The following PLCB3 variants were observed in gnomAD, a reference collection of about 807,000 sequenced individuals.
The protein encoded by PLCB3 is phospholipase C beta 3, also known as 1-phosphatidylinositol 4,5-bisphosphate phosphodiesterase beta-3.
In PLCB3, 54 loss-of-function variants were observed where a neutral mutation model predicts 152.1. That is an observed-to-expected ratio of 0.36 (90% CI 0.29 to 0.45). The LOEUF (loss-of-function observed/expected upper bound fraction) is 0.45, where lower values mean the gene tolerates loss of function less well. PLCB3 is among the 20% of genes least tolerant of loss of function. PLCB3 has a pLI of 1.00. For missense variants in PLCB3, 1,248 were observed against 1,687.5 expected, an observed-to-expected ratio of 0.74 and a Z score of 4.56; for synonymous variants, 717 against 698.7, an observed-to-expected ratio of 1.03 and a Z score of -0.41.
In PLCB3 at chr11:64,265,179, C is replaced by T. The variant is rs772234599; in HGVS notation, c.2807-13C>T. On this transcript the variant is annotated splice_polypyrimidine_tract_variant and intron_variant, in intron 23 of 30. Coordinates refer to ENST00000279230, the MANE Select transcript of PLCB3 (RefSeq NM_000932.5). ...CCTGTCCTCCAGCTCCTCACAGGGCCTCTGCTCCCCAGGGCAGCGTGATGA... is the reference window on the plus strand; with the variant it reads ...CCTGTCCTCCAGCTCCTCACAGGGCTTCTGCTCCCCAGGGCAGCGTGATGA... The T allele has an allele frequency of 6.3e-7, 1 of 1,590,042 alleles. No individual in the cohort carries two copies. The highest frequency in any genetic ancestry group is 1.1e-5 in the South Asian group (1 of 88,002).
chr11:64,259,153 A>C lies in PLCB3; in HGVS notation c.1434A>C (p.Pro478=). Residue 478 remains proline (P), a synonymous_variant, in exon 13 of 31, where the codon CCA becomes CCC. Transcript: ENST00000279230. ...GGCACCGACCCAGCGCAGGTGGCCCAGACAGCGCCGGGCGCAAGCGGCCCC... is the reference window on the plus strand; with the variant it reads ...GGCACCGACCCAGCGCAGGTGGCCCCGACAGCGCCGGGCGCAAGCGGCCCC... ...KKRHRPSAGG[P]DSAGRKRPLE... 1.9e-6 allele frequency: 3 copies of C among 1,609,158 alleles called. No homozygotes were observed. The highest frequency in any genetic ancestry group is 2.5e-6 in the Non-Finnish European group (3 of 1,178,220).
At position 64,263,770 on chromosome 11, in the gene PLCB3, GGACTACATTCCTGAC is replaced by G. The variant is rs1293230920; in HGVS notation, c.2539_2553del (p.Tyr847_Asp851del). On this transcript the variant is annotated inframe_deletion, in exon 21 of 31. Transcript: ENST00000279230. ...CCCTGCTCATCTACACCGAAGCCTC[GGACTACATTCCTGAC>G]GACCACCAGGGTGAGCTGGGGGTGG... 1 of 1,613,090 alleles carries G rather than the reference GGACTACATTCCTGAC, an allele frequency of 6.2e-7. No homozygotes were observed. Among genetic ancestry groups the G allele is most frequent in the Non-Finnish European group, 8.5e-7 (1 of 1,179,860 alleles).
chr11:64,253,750 G>A (rs1361763190), intron 1 of PLCB3, among the ~76,000 whole-genome samples: 1 of 152,196 alleles, frequency 6.6e-6, no homozygotes, highest in Non-Finnish European at 1.5e-5. Flanking sequence ...CCAGCTGCAC[G>A]GCTGTTTGAG....
chr11:64,262,969 T>A (rs1401010896), intron 19 of PLCB3, among the ~76,000 whole-genome samples, 161 bp downstream of exon 19: 1 of 151,936 alleles, frequency 6.6e-6, no homozygotes, highest in African/African-American at 2.4e-5. Context: ...CGAGCGTCAG[T>A]CTCCCTGCCC....
chr11:64,251,783 G>C, intron 1 of PLCB3, 35 bp downstream of exon 1: 2 of 1,243,632 alleles, frequency 1.6e-6, no homozygotes, highest in Non-Finnish European at 2.1e-6. Flanking sequence ...CCCAAATCCC[G>C]GGACTCTTTC....
intron 10 of PLCB3, among the ~76,000 whole-genome samples, chr11:64,257,131 A>G (rs754154575): frequency 1.3e-5 from 2 of 150,884 alleles, no homozygotes; most frequent in Non-Finnish European, 3.0e-5. Context: ...CAGCCTCCCA[A>G]GTAGCTGGGA....
Position 64,266,345 on chromosome 11 carries a change from C to T in PLCB3, c.3297C>T (p.Asp1099=), listed in dbSNP as rs142705703. The change falls in exon 28 of 31, where the codon GAC becomes GAT. Residue 1099 remains aspartate (D), a synonymous_variant. Coordinates refer to ENST00000279230, the MANE Select transcript of PLCB3 (RefSeq NM_000932.5). The surrounding 1 kb of genome is among the most constrained non-coding windows in gnomAD (Gnocchi z 4.9). ...REKKELQKIL[D]RKRHNSISEA... is the part of the protein sequence containing the mutation. ...AGAAGGAGCTGCAGAAGATCCTGGA[C>T]AGAAAGCGCCATAACAGCATCTCGG... 3.8e-5 allele frequency: 61 copies of T among 1,613,220 alleles called. No individual in the cohort carries two copies. In the African/African-American group the frequency reaches 6.0e-4, roughly 16 times the overall value.
In PLCB3 at chr11:64,262,519, G is replaced by A; in HGVS notation, c.2151G>A (p.Glu717=). 1 of 1,613,980 alleles carries A rather than the reference G, an allele frequency of 6.2e-7. No homozygotes were observed. Among genetic ancestry groups the A allele is most frequent in the Non-Finnish European group, 8.5e-7 (1 of 1,180,012 alleles). Residue 717 remains glutamate (E), a synonymous_variant, in exon 18 of 31, where the codon GAG becomes GAA. Coordinates refer to ENST00000279230, the MANE Select transcript of PLCB3 (RefSeq NM_000932.5). ...ACAAGTCCTTCGACCCCTTCACTGA[G>A]GTCATCGTGGATGGCATCGTGGCCA... ...RPDKSFDPFT[E]VIVDGIVANA...
chr11:64,268,101 C>G (rs2032223702), downstream of PLCB3, among the ~76,000 whole-genome samples: 1 of 152,148 alleles, frequency 6.6e-6, no homozygotes, highest in East Asian at 1.9e-4. Flanking sequence ...TGCTTGTGCC[C>G]TCTGCCCCCA....
chr11:64,263,162 C>T (rs1321273334), intron 19 of PLCB3, among the ~76,000 whole-genome samples: 1 of 152,228 alleles, frequency 6.6e-6, no homozygotes, highest in Non-Finnish European at 1.5e-5. Context: ...TGGACGCGGC[C>T]TCTGCTCCCA....
intron 1 of PLCB3, 42 bp downstream of exon 1, chr11:64,251,790 T>G (rs1032246447): frequency 5.9e-6 from 7 of 1,181,982 alleles, no homozygotes; most frequent in Non-Finnish European, 5.6e-6. Context: ...CCCGGGACTC[T>G]TTCAGTCAAG....
chr11:64,261,894 G>C, intron 16 of PLCB3, 58 bp from the exon 17 acceptor site: 1 of 1,607,838 alleles, frequency 6.2e-7, no homozygotes, highest in Admixed American at 1.7e-5. Flanking sequence ...TGAGGCCGGA[G>C]GTGGAGGCTG....
chr11:64,251,763 C>G lies in PLCB3; in HGVS notation c.99+15C>G, dbSNP rs2031213317. The G allele has an allele frequency of 3.7e-6, 5 of 1,359,764 alleles. No homozygotes were observed. In the South Asian group the frequency reaches 7.7e-5, roughly 21 times the overall value. The allele number at this position is 1,359,764 out of a possible 1,614,324, so 84.2% of individuals were successfully genotyped here. A position where few individuals can be genotyped will look rare whatever the true frequency, so the allele number is the denominator to read the frequency against. ...AATGGGACGAGGTAAGCGCGCGGGCCCCTGCTCCGCCCAAATCCCGGGACT... is the reference window on the plus strand; with the variant it reads ...AATGGGACGAGGTAAGCGCGCGGGCGCCTGCTCCGCCCAAATCCCGGGACT... On this transcript the variant is annotated intron_variant, in intron 1 of 30. Coordinates refer to ENST00000279230, the MANE Select transcript of PLCB3 (RefSeq NM_000932.5).
Position 64,251,820 on chromosome 11 carries a change from C to T in PLCB3, c.99+72C>T, listed in dbSNP as rs192467905. On this transcript the variant is annotated intron_variant, in intron 1 of 30. Transcript: ENST00000279230. ...GTCAAGCTCGACCAGACGCTGGGGA[C>T]CCCCACCCCAGCCTCGCCTGCCCGT... is the stretch of plus-strand genomic sequence containing the variant. 8.9e-6 allele frequency: 8 copies of T among 901,294 alleles called. No homozygotes were observed. In the East Asian group the frequency reaches 2.0e-4, roughly 23 times the overall value. 55.8% of individuals were successfully genotyped at this position (901,294 alleles called of 1,614,324 possible). A position where few individuals can be genotyped will look rare whatever the true frequency, so the allele number is the denominator to read the frequency against.
intron 25 of PLCB3, 144 bp from the exon 26 acceptor site, chr11:64,265,742 A>C: frequency 4.8e-6 from 6 of 1,251,836 alleles, no homozygotes; most frequent in Non-Finnish European, 6.6e-6. Flanking sequence ...GGGTGGAGCT[A>C]ACAGGCCTCC....
chr11:64,252,007 C>T (rs906186168), intron 1 of PLCB3, among the ~76,000 whole-genome samples: 1 of 151,956 alleles, frequency 6.6e-6, no homozygotes, highest in African/African-American at 2.4e-5. Context: ...CCCCGTCCCC[C>T]CGTTTTCCAT....
At position 64,259,885 on chromosome 11, in the gene PLCB3, G is replaced by T. The variant is rs1197151425; in HGVS notation, c.1526-144G>T. 4 of 679,100 alleles carry T rather than the reference G, an allele frequency of 5.9e-6. No homozygotes were observed. The African/African-American group carries it at 7.3e-5, about 12-fold the overall frequency. 42.1% of individuals were successfully genotyped at this position (679,100 alleles called of 1,614,324 possible). ...AATACCATCTGACCTCGACCTCTTGGCCTCTCCCCAAGCCACACTGCCCTG... is the reference window on the plus strand; with the variant it reads ...AATACCATCTGACCTCGACCTCTTGTCCTCTCCCCAAGCCACACTGCCCTG... On this transcript the variant is annotated intron_variant, in intron 13 of 30. Transcript: ENST00000279230.
rs753060754 is a variant in PLCB3, at chr11:64,255,858, C to G, written c.698+37C>G. The G allele has an allele frequency of 7.0e-7, 1 of 1,420,910 alleles. No homozygotes were observed. The highest frequency in any genetic ancestry group is 1.7e-5 in the Admixed American group (1 of 59,766). The allele number at this position is 1,420,910 out of a possible 1,614,324, so 88.0% of individuals were successfully genotyped here. ...CGGCCTGCCTCACAACCCCTGTGCTCTGTGTTTAGCTTCTGCTTAGCGTGC... is the reference window on the plus strand; with the variant it reads ...CGGCCTGCCTCACAACCCCTGTGCTGTGTGTTTAGCTTCTGCTTAGCGTGC... On this transcript the variant is annotated intron_variant, in intron 8 of 30. Coordinates refer to ENST00000279230, the MANE Select transcript of PLCB3 (RefSeq NM_000932.5). This position sits in a 1 kb window ranked among gnomAD's most constrained non-coding sequence, Gnocchi z 6.8.
chr11:64,256,303 C>A lies in PLCB3; in HGVS notation c.699-73C>A, dbSNP rs1392519704. ...GGGCAGGCCTTCTGACTCCCTTGCC[C>A]AGGGCAAGGGCTTGGCGACGGGGTG... On this transcript the variant is annotated intron_variant, in intron 8 of 30. Coordinates refer to ENST00000279230, the MANE Select transcript of PLCB3 (RefSeq NM_000932.5). 2.1e-6 allele frequency: 3 copies of A among 1,442,058 alleles called. 1 individual carries two copies. In the South Asian group the frequency reaches 3.7e-5, roughly 18 times the overall value. 89.3% of individuals were successfully genotyped at this position (1,442,058 alleles called of 1,614,324 possible).
Sources: gnomAD v4.1 joint callset for allele counts (sites outside exome capture counted in the v4.1 genomes callset) on GRCh38, gnomAD v4.1.1 for gene constraint, Gnocchi (gnomAD v3.1) non-coding constraint, MANE v1.5 for transcripts, NCBI Gene and HGNC (gene_info 2026-07-23, HGNC 2026-07-21) for gene names.